Variants in NUP93 observed in about 807,000 individuals in gnomAD.
The protein encoded by NUP93 is nucleoporin 93, also known as nuclear pore complex protein Nup93.
In NUP93, 55 loss-of-function variants were observed where a neutral mutation model predicts 107.8. That is an observed-to-expected ratio of 0.51 (90% CI 0.41 to 0.64). NUP93 has a LOEUF of 0.64. NUP93 is among the 30% of genes least tolerant of loss of function. The pLI is 0.00. For synonymous variants in NUP93, 390 were observed against 397.5 expected (o/e 0.98, Z 0.22); for missense variants, 937 against 1,044.7 (o/e 0.90, Z 1.42).
At chr16:56,808,108 AATAT>A (rs1353340139) in intron 5 of NUP93, among the ~76,000 whole-genome samples, 2 of 132,938 alleles carry the variant, frequency 1.5e-5, no homozygotes, top group South Asian at 2.2e-4. Context: ...CACACATATA[AATAT>A]ATATTATATA....
At chr16:56,803,550 C>CA (rs1963067217) in intron 4 of NUP93, among the ~76,000 whole-genome samples, 1 of 151,836 alleles carries the variant, frequency 6.6e-6, no homozygotes, top group Non-Finnish European at 1.5e-5. Context: ...TATAATCCGT[C>CA]ATTATTTTAT....
chr16:56,771,062 C>G (rs185200561), intron 3 of NUP93, among the ~76,000 whole-genome samples: 1 of 152,178 alleles, frequency 6.6e-6, no homozygotes, highest in Non-Finnish European at 1.5e-5. Flanking sequence ...ACAACCCTTA[C>G]ATCATTTCAT....
At position 56,759,689 on chromosome 16, in the gene NUP93, CT is replaced by C. The variant is rs528890158; in HGVS notation, c.297+1044del. On this transcript the variant is annotated intron_variant, in intron 3 of 21. Transcript: ENST00000308159. ...TGAAATGGCATGTATACTTTTTAAA[CT>C]TTTTTTTTTAAGTTTTAGCCCCCCT... 1.6e-4 allele frequency among the ~76,000 whole-genome samples: 24 copies of C among 149,360 alleles called. 2 individuals are homozygous for C. The highest frequency in any genetic ancestry group is 4.7e-4 in the African/African-American group (19 of 40,706).
chr16:56,799,689 AATTT>A (rs1473826955), intron 4 of NUP93, among the ~76,000 whole-genome samples: 4 of 152,136 alleles, frequency 2.6e-5, no homozygotes, highest in African/African-American at 4.8e-5. Context: ...TATCCAGTGA[AATTT>A]ATTTATTATG....
At chr16:56,840,379 G>A (rs1479185756) in intron 20 of NUP93, among the ~76,000 whole-genome samples, 2 of 152,174 alleles carry the variant, frequency 1.3e-5, no homozygotes, top group African/African-American at 2.4e-5. Flanking sequence ...CACCCCATAA[G>A]CCCCAGAGCC....
chr16:56,762,082 C>T (rs1962137769), intron 3 of NUP93, among the ~76,000 whole-genome samples: 1 of 152,128 alleles, frequency 6.6e-6, no homozygotes, highest in Non-Finnish European at 1.5e-5. Context: ...ACTACTAAAA[C>T]AGCTGTACTG....
At chr16:56,785,746 C>T (rs1424925259) in intron 3 of NUP93, among the ~76,000 whole-genome samples, 1 of 152,128 alleles carries the variant, frequency 6.6e-6, no homozygotes, top group Non-Finnish European at 1.5e-5. Flanking sequence ...ACTGCCTTGC[C>T]TATTTACAAC....
intron 1 of NUP93, among the ~76,000 whole-genome samples, chr16:56,743,934 T>C (rs929957689): frequency 2.4e-4 from 36 of 152,228 alleles, no homozygotes; most frequent in Admixed American, 3.3e-4. Flanking sequence ...TACTTTGCGA[T>C]GCTCTCTGAA....
chr16:56,733,287 G>A (rs1383904608), intron 1 of NUP93, among the ~76,000 whole-genome samples: 1 of 152,114 alleles, frequency 6.6e-6, no homozygotes, highest in African/African-American at 2.4e-5. Flanking sequence ...TGTCCCTGAT[G>A]GACTTAAGGC....
At chr16:56,825,731 T>C (rs1416216047) in intron 8 of NUP93, among the ~76,000 whole-genome samples, 2 of 152,200 alleles carry the variant, frequency 1.3e-5, no homozygotes, top group East Asian at 3.8e-4. Flanking sequence ...TAATGGTGCT[T>C]CTTGGAGCTA....
chr16:56,838,829 A>G, intron 18 of NUP93, 123 bp from the exon 19 acceptor site: 1 of 712,994 alleles, frequency 1.4e-6, no homozygotes. Context: ...CCTCCCATGT[A>G]GCTGAGATTA....
intron 4 of NUP93, among the ~76,000 whole-genome samples, chr16:56,802,949 T>C (rs1963053272): frequency 6.6e-6 from 1 of 152,200 alleles, no homozygotes; most frequent in South Asian, 2.1e-4. Context: ...TTTGGTCATC[T>C]TCCTTCTTCC....
rs531738653 is a variant in NUP93 at position 56,753,420 on chromosome 16, T to C, written c.179+4994T>C. Among the ~76,000 whole-genome samples the C allele has an allele frequency of 2.6e-5, 4 of 152,320 alleles. No homozygotes were observed. In the South Asian group the frequency reaches 8.3e-4, roughly 32 times the overall value. ...GAGGATAAAGGAGCATGTTAAATGATATCATGGGGATTCTGTCAGTAAAAC... is the reference window on the plus strand; with the variant it reads ...GAGGATAAAGGAGCATGTTAAATGACATCATGGGGATTCTGTCAGTAAAAC... On this transcript the variant is annotated intron_variant, in intron 2 of 21. Coordinates refer to ENST00000308159, the MANE Select transcript of NUP93 (RefSeq NM_014669.5).
chr16:56,813,406 C>T (rs1963356558), intron 5 of NUP93, among the ~76,000 whole-genome samples: 1 of 152,160 alleles, frequency 6.6e-6, no homozygotes, highest in African/African-American at 2.4e-5. Flanking sequence ...AACTGCAGAC[C>T]ATAGGATTCT....
chr16:56,735,793 A>G (rs1597098449), intron 1 of NUP93, among the ~76,000 whole-genome samples: 1 of 148,440 alleles, frequency 6.7e-6, no homozygotes, highest in Non-Finnish European at 1.5e-5. Flanking sequence ...TCATCATTGC[A>G]CTCCAGCCTG....
At chr16:56,817,835 G>A in intron 5 of NUP93, among the ~76,000 whole-genome samples, 1 of 152,168 alleles carries the variant, frequency 6.6e-6, no homozygotes, top group East Asian at 1.9e-4. Context: ...CAGGTATGTA[G>A]CCTAGGAGCA....
At chr16:56,755,794 GA>G (rs1479446914) in intron 2 of NUP93, among the ~76,000 whole-genome samples, 17 of 152,314 alleles carry the variant, frequency 1.1e-4, no homozygotes, top group African/African-American at 3.4e-4. Context: ...AGAATTGCTT[GA>G]ACCTGGGAGC....
rs143006606 is a variant in NUP93, at chr16:56,789,419, T to G, written c.298-9057T>G. 5.9e-5 allele frequency among the ~76,000 whole-genome samples: 9 copies of G among 152,362 alleles called. No homozygotes were observed. In the East Asian group the frequency reaches 1.7e-3, roughly 29 times the overall value. On this transcript the variant is annotated intron_variant, in intron 3 of 21. Coordinates refer to ENST00000308159, the MANE Select transcript of NUP93 (RefSeq NM_014669.5). The stretch of plus-strand genomic sequence containing the variant: ...GTCACATAATTGTGTGAACCTTTTT[T>G]TAGCCCAATAGCAGAAACCATGTAC...
intron 1 of NUP93, among the ~76,000 whole-genome samples, chr16:56,731,706 C>G (rs1244334441): frequency 6.6e-6 from 1 of 152,196 alleles, no homozygotes; most frequent in East Asian, 1.9e-4. Flanking sequence ...CCACCACACC[C>G]AGTCTTCTGT....
Sources: allele counts gnomAD v4.1 joint callset (sites outside exome capture counted in the v4.1 genomes callset), GRCh38; gene constraint gnomAD v4.1.1; transcripts MANE v1.5; gene names NCBI Gene and HGNC (gene_info 2026-07-23, HGNC 2026-07-21).